The following COL9A1 variants were observed in gnomAD, a reference collection of about 807,000 sequenced individuals.
COL9A1 encodes the protein collagen type IX alpha 1 chain, also known as collagen alpha-1(IX) chain.
COL9A1 carries 104 observed loss-of-function variants against 142.6 expected under a neutral mutation model. The observed-to-expected ratio is 0.73, with a 90% CI of 0.62 to 0.86. COL9A1 has a LOEUF of 0.86. Among genes scored for constraint, COL9A1 ranks in the 40% least tolerant of loss-of-function variants. The probability of loss-of-function intolerance (pLI) is 0.00; values close to 1 mark genes in which losing one functional copy is unlikely to be tolerated. For synonymous variants in COL9A1, 466 were observed against 396.0 expected, an observed-to-expected ratio of 1.18 and a Z score of -2.10; for missense variants, 1,210 against 1,176.6, an observed-to-expected ratio of 1.03 and a Z score of -0.42.
chr6:70,246,873 G>C (rs1397536089), intron 28 of COL9A1, among the ~76,000 whole-genome samples: 1 of 152,082 alleles, frequency 6.6e-6, no homozygotes, highest in Admixed American at 6.5e-5. Flanking sequence ...TGGTAACTTC[G>C]GGCAAGCAGC....
At chr6:70,259,395 C>T (rs1450656604) in intron 20 of COL9A1, among the ~76,000 whole-genome samples, 1 of 152,068 alleles carries the variant, frequency 6.6e-6, no homozygotes, top group Non-Finnish European at 1.5e-5. Flanking sequence ...TTTTCTGGAG[C>T]CTATAAATTA....
chr6:70,263,318 A>G, intron 18 of COL9A1, 21 bp from the exon 19 acceptor site: 3 of 1,601,668 alleles, frequency 1.9e-6, no homozygotes, highest in Non-Finnish European at 2.6e-6. Context: ...AAAAGAAAAA[A>G]GAAAAGCACA....
intron 33 of COL9A1, among the ~76,000 whole-genome samples, chr6:70,237,778 T>C (rs1376389756): frequency 6.6e-6 from 1 of 152,222 alleles, no homozygotes; most frequent in Non-Finnish European, 1.5e-5. Flanking sequence ...ACTTGAGACA[T>C]AGTGTTTAGA....
chr6:70,259,251 G>A (rs568538245), intron 20 of COL9A1, among the ~76,000 whole-genome samples: 2 of 152,208 alleles, frequency 1.3e-5, no homozygotes, highest in South Asian at 2.1e-4. Context: ...CATGTACAAC[G>A]TACAACGTAT....
chr6:70,282,783 G>A, intron 7 of COL9A1, 115 bp downstream of exon 7: 3 of 1,496,910 alleles, frequency 2.0e-6, no homozygotes, highest in South Asian at 1.2e-5. Flanking sequence ...AGGAAGCGCG[G>A]GTCTGAGAGC....
chr6:70,260,865 T>G (rs1583282185), intron 19 of COL9A1, 155 bp from the exon 20 acceptor site: 1 of 658,402 alleles, frequency 1.5e-6, no homozygotes. Context: ...CATTTCTAGT[T>G]TAGAAAGTCC....
intron 28 of COL9A1, among the ~76,000 whole-genome samples, chr6:70,248,126 A>G (rs2127571506): frequency 1.3e-5 from 2 of 152,286 alleles, no homozygotes; most frequent in Middle Eastern, 6.8e-3. Flanking sequence ...CTCAGAAGCC[A>G]GGAAGACAGA....
Position 70,298,932 on chromosome 6 carries a change from T to C in COL9A1, c.299+1111A>G, listed in dbSNP as rs1449309587. 5.3e-5 allele frequency among the ~76,000 whole-genome samples: 8 copies of C among 152,200 alleles called. No homozygotes were observed. In the South Asian group the frequency reaches 1.7e-3, roughly 32 times the overall value. On this transcript the variant is annotated intron_variant, in intron 4 of 37. Transcript: ENST00000357250. ...AGAAGTAAAACCTTTGCAACCATTCTGCCTGGGATTCAGTCCTTCCAGCAC... is the reference window on the plus strand; with the variant it reads ...AGAAGTAAAACCTTTGCAACCATTCCGCCTGGGATTCAGTCCTTCCAGCAC...
chr6:70,242,541 T>G, intron 29 of COL9A1, 121 bp downstream of exon 29: 1 of 895,656 alleles, frequency 1.1e-6, no homozygotes, highest in Non-Finnish European at 1.8e-6. Flanking sequence ...TGTTCTCATA[T>G]TCACATAACA....
At position 70,283,007 on chromosome 6, in the gene COL9A1, A is replaced by G. The variant is rs367681477; in HGVS notation, c.781-89T>C. ...TGAGCCGCGCACAAGCAGAGCCCCA[A>G]CAGCAGCAGCCCCAGGGCCCCGCGG... On this transcript the variant is annotated intron_variant, in intron 6 of 37. Transcript: ENST00000357250. 13 of 1,612,948 alleles carry G rather than the reference A, an allele frequency of 8.1e-6. No homozygotes were observed. In the African/African-American group the frequency reaches 9.3e-5, roughly 12 times the overall value.
At chr6:70,241,090 A>G (rs1380398166) in intron 31 of COL9A1, among the ~76,000 whole-genome samples, 1 of 152,234 alleles carries the variant, frequency 6.6e-6, no homozygotes, top group Non-Finnish European at 1.5e-5. Context: ...GTCTTGATCA[A>G]GAAAAACCTA....
At position 70,285,162 on chromosome 6, in the gene COL9A1, G is replaced by C. The variant is rs73475864; in HGVS notation, c.697-1342C>G. Among the ~76,000 whole-genome samples, 940 of 152,316 alleles carry C rather than the reference G, an allele frequency of 6.2e-3. 10 individuals are homozygous for C. The highest frequency in any genetic ancestry group is 0.021 in the African/African-American group (891 of 41,558). ...ATATGTAATTCTCTCTGGATAAACT[G>C]GTACACCTGTTTAAATATGCAAGCT... On this transcript the variant is annotated intron_variant, in intron 5 of 37. Transcript: ENST00000357250.
intron 24 of COL9A1, 65 bp downstream of exon 24, chr6:70,254,898 G>T: frequency 7.0e-7 from 1 of 1,424,544 alleles, no homozygotes; most frequent in Non-Finnish European, 9.9e-7. Context: ...TAATGGAAAT[G>T]CCACACTCAG....
chr6:70,266,658 A>C, intron 18 of COL9A1, 59 bp downstream of exon 18: 1 of 1,296,882 alleles, frequency 7.7e-7, no homozygotes, highest in African/African-American at 1.5e-5. Context: ...ATTTCTTATA[A>C]TGAAAGTGAC....
chr6:70,226,097 A>G, intron 36 of COL9A1, 88 bp from the exon 37 acceptor site: 1 of 1,164,472 alleles, frequency 8.6e-7, no homozygotes, highest in Non-Finnish European at 1.3e-6. Flanking sequence ...TCTAAAATTC[A>G]GAAACCAAAA....
In COL9A1 at chr6:70,252,309, T is replaced by C. The variant is rs1348618819; in HGVS notation, c.1771A>G (p.Thr591Ala). 6.2e-7 allele frequency: 1 copy of C among 1,614,138 alleles called. No individual in the cohort carries two copies. Among genetic ancestry groups the C allele is most frequent in the Admixed American group, 1.7e-5 (1 of 60,020 alleles). ...TGACCAGGCTTCCCTGGAGCACCTG[T>C]GCTACCCTAAGGGTAAAATGCAACA... ...AKGVAGEKGSTGAPGKPGQMG... is the reference protein window; with the variant it reads ...AKGVAGEKGSAGAPGKPGQMG... The change falls in exon 27 of 38, where the codon ACA becomes GCA. Residue 591 changes from threonine to alanine, a missense_variant. Thr to Ala is a moderately conservative substitution (Grantham distance 58). Coordinates refer to ENST00000357250, the MANE Select transcript of COL9A1 (RefSeq NM_001851.6).
chr6:70,270,388 G>A (rs573640262), intron 14 of COL9A1, 21 bp from the exon 15 acceptor site: 234 of 1,611,486 alleles, frequency 1.5e-4, no homozygotes, highest in Middle Eastern at 3.3e-4. Flanking sequence ...TGAAAATTGC[G>A]ACACAGTGGT....
chr6:70,251,488 T>G (rs1770940113), intron 28 of COL9A1, among the ~76,000 whole-genome samples: 1 of 152,190 alleles, frequency 6.6e-6, no homozygotes, highest in Non-Finnish European at 1.5e-5. Context: ...TCAAGGTTGC[T>G]GTGAGCTACG....
chr6:70,280,466 G>A (rs1441842912), intron 10 of COL9A1: 2 of 1,274,728 alleles, frequency 1.6e-6, no homozygotes, highest in Non-Finnish European at 2.0e-6. Flanking sequence ...GCCGAAGCCA[G>A]TACAATCTAT....
Sources: allele counts gnomAD v4.1 joint callset (sites outside exome capture counted in the v4.1 genomes callset), GRCh38; gene constraint gnomAD v4.1.1; transcripts MANE v1.5; gene names NCBI Gene and HGNC (gene_info 2026-07-23, HGNC 2026-07-21).